DEUP1: variants seen among roughly 807,000 people sequenced by gnomAD.
The protein encoded by DEUP1 is coiled-coil domain containing 67.
DEUP1 carries 82 observed loss-of-function variants against 87.4 expected under a neutral mutation model. That is an observed-to-expected ratio of 0.94 (90% CI 0.78 to 1.13). The LOEUF (loss-of-function observed/expected upper bound fraction) is 1.13. Ranked by LOEUF, DEUP1 falls within the 50% of genes most tolerant of loss-of-function variation. The pLI, the probability that DEUP1 is intolerant of heterozygous loss-of-function variation, is 0.00. For synonymous variants in DEUP1, 214 were observed against 222.7 expected (o/e 0.96, Z 0.35); for missense variants, 663 against 681.5 (o/e 0.97, Z 0.30).
In DEUP1 at chr11:93,357,148, G is replaced by A. The variant is rs1170628053; in HGVS notation, c.297+105G>A. On this transcript the variant is annotated intron_variant, in intron 4 of 13. Coordinates refer to ENST00000298050, the MANE Select transcript of DEUP1 (RefSeq NM_181645.4). ...TGTTTTCAGTATAAACAAATGTCTTGTATTTTAATTATAAGCTTGGTCATG... is the reference window on the plus strand; with the variant it reads ...TGTTTTCAGTATAAACAAATGTCTTATATTTTAATTATAAGCTTGGTCATG... 1.7e-3 allele frequency: 1,127 copies of A among 677,720 alleles called. 5 individuals are homozygous for A. Among genetic ancestry groups the A allele is most frequent in the Non-Finnish European group, 1.8e-4 (72 of 406,834 alleles). 42.0% of individuals were successfully genotyped at this position (677,720 alleles called of 1,614,324 possible).
intron 7 of DEUP1, among the ~76,000 whole-genome samples, chr11:93,379,435 T>C (rs1946195915): frequency 6.6e-6 from 1 of 152,202 alleles, no homozygotes; most frequent in Non-Finnish European, 1.5e-5. Context: ...AGACTGTACA[T>C]TGAGGAACAT....
intron 6 of DEUP1, 60 bp from the exon 7 acceptor site, chr11:93,370,978 T>C (rs924429896): frequency 6.9e-7 from 1 of 1,447,434 alleles, no homozygotes; most frequent in Non-Finnish European, 9.4e-7. Flanking sequence ...ATTCTTGAAC[T>C]TCATGTAAGC....
chr11:93,387,514 C>G (rs1946617006), intron 8 of DEUP1, among the ~76,000 whole-genome samples: 1 of 152,052 alleles, frequency 6.6e-6, no homozygotes, highest in Non-Finnish European at 1.5e-5. Flanking sequence ...ATTTCATACT[C>G]TTGTTCTACA....
chr11:93,376,441 G>C (rs1157690446), intron 7 of DEUP1, among the ~76,000 whole-genome samples: 1 of 152,092 alleles, frequency 6.6e-6, no homozygotes, highest in Non-Finnish European at 1.5e-5. Context: ...ATGATCTTTT[G>C]TATTTCAGTA....
chr11:93,367,560 A>G (rs1235093138), intron 5 of DEUP1, among the ~76,000 whole-genome samples: 1 of 152,142 alleles, frequency 6.6e-6, no homozygotes, highest in Non-Finnish European at 1.5e-5. Flanking sequence ...ATATTGTAAA[A>G]TTATTTGTTT....
In DEUP1 at chr11:93,415,373, T is replaced by A. The variant is rs181034403; in HGVS notation, c.1638+259T>A. Among the ~76,000 whole-genome samples, 1,204 of 152,056 alleles carry A rather than the reference T, an allele frequency of 7.9e-3. 15 individuals are homozygous for A. Among genetic ancestry groups the A allele is most frequent in the African/African-American group, 0.028 (1,158 of 41,484 alleles). ...CAGAATTACTGGAGATGGTGTTTTT[T>A]AAAAAAAATGCGAGTGCTTGGGACT... On this transcript the variant is annotated intron_variant, in intron 13 of 13. Coordinates refer to ENST00000298050, the MANE Select transcript of DEUP1 (RefSeq NM_181645.4).
chr11:93,365,819 T>C (rs967783645), intron 5 of DEUP1, among the ~76,000 whole-genome samples: 1 of 152,212 alleles, frequency 6.6e-6, no homozygotes, highest in African/African-American at 2.4e-5. Flanking sequence ...AGCCATCTGA[T>C]AAATTAATGT....
intron 12 of DEUP1, among the ~76,000 whole-genome samples, chr11:93,413,897 G>C (rs1048702022): frequency 2.0e-5 from 3 of 152,122 alleles, no homozygotes; most frequent in African/African-American, 4.8e-5. Context: ...ACGAATAATT[G>C]AACTTTTAAA....
chr11:93,420,181 C>G (rs981345121), intron 13 of DEUP1, among the ~76,000 whole-genome samples: 4 of 152,006 alleles, frequency 2.6e-5, no homozygotes, highest in African/African-American at 9.7e-5. Context: ...TACTGGCAAA[C>G]CAAATCCAGC....
Position 93,412,321 on chromosome 11 carries a change from A to T in DEUP1, c.1524-2679A>T, listed in dbSNP as rs1947460575. Among the ~76,000 whole-genome samples, 5 of 152,220 alleles carry T rather than the reference A, an allele frequency of 3.3e-5. No individual in the cohort carries two copies. In the South Asian group the frequency reaches 1.0e-3, roughly 31 times the overall value. Reference sequence around the variant, plus strand: ...AATAGGCCTGTGGAAAAGATCATTGAACAGATCAGCTTGTGAGAGGATATT... The same window carrying T: ...AATAGGCCTGTGGAAAAGATCATTGTACAGATCAGCTTGTGAGAGGATATT... On this transcript the variant is annotated intron_variant, in intron 12 of 13. Transcript: ENST00000298050.
intron 13 of DEUP1, among the ~76,000 whole-genome samples, chr11:93,431,095 CAAAAA>C (rs10534401): frequency 1.3e-3 from 144 of 112,618 alleles, no homozygotes; most frequent in Admixed American, 2.5e-3. Flanking sequence ...AACACTGTCT[CAAAAA>C]AAAAAAAAAA....
chr11:93,374,039 G>A (rs1046641178), intron 7 of DEUP1, among the ~76,000 whole-genome samples: 9 of 152,108 alleles, frequency 5.9e-5, no homozygotes, highest in African/African-American at 1.2e-4. Context: ...CATTAGTGAC[G>A]TTGAGCATTT....
intron 13 of DEUP1, among the ~76,000 whole-genome samples, chr11:93,435,047 A>G (rs1460974878): frequency 6.6e-6 from 1 of 152,166 alleles, no homozygotes; most frequent in Non-Finnish European, 1.5e-5. Flanking sequence ...TAAAGTAGGT[A>G]CCTTTACTAT....
chr11:93,430,825 G>A (rs915982588), intron 13 of DEUP1, among the ~76,000 whole-genome samples: 6 of 152,168 alleles, frequency 3.9e-5, no homozygotes, highest in Non-Finnish European at 7.4e-5. Flanking sequence ...GCCAGGCGCT[G>A]TGGCTCATGC....
Position 93,385,392 on chromosome 11 carries a change from A to G in DEUP1, c.790-6A>G. On this transcript the variant is annotated splice_polypyrimidine_tract_variant and splice_region_variant and intron_variant, in intron 7 of 13. Coordinates refer to ENST00000298050, the MANE Select transcript of DEUP1 (RefSeq NM_181645.4). ...GAGCATGAAATTTTTTGATGTTTTT[A>G]TTCAGGCCATGGAAGCAGGTCTCTC... 6.2e-7 allele frequency: 1 copy of G among 1,611,644 alleles called. No homozygotes were observed. Among genetic ancestry groups the G allele is most frequent in the South Asian group, 1.1e-5 (1 of 90,354 alleles).
At chr11:93,383,460 G>C in intron 7 of DEUP1, 1 of 503,340 alleles carries the variant, frequency 2.0e-6, no homozygotes, top group Non-Finnish European at 3.5e-6. Flanking sequence ...CTAGGAGCTG[G>C]AGGAAGGGGA....
intron 11 of DEUP1, among the ~76,000 whole-genome samples, chr11:93,406,812 A>T (rs981807606): frequency 9.2e-5 from 14 of 152,006 alleles, no homozygotes; most frequent in Non-Finnish European, 1.6e-4. Flanking sequence ...CTAAGGATAC[A>T]AATAACACAG....
At chr11:93,382,917 A>G (rs1246476876) in intron 7 of DEUP1, among the ~76,000 whole-genome samples, 1 of 152,198 alleles carries the variant, frequency 6.6e-6, no homozygotes, top group African/African-American at 2.4e-5. Context: ...TAAGTCACCA[A>G]TTTGAATCTT....
At chr11:93,358,735 G>A (rs534120917) in intron 4 of DEUP1, among the ~76,000 whole-genome samples, 37 of 151,974 alleles carry the variant, frequency 2.4e-4, no homozygotes, top group Admixed American at 1.7e-3. Flanking sequence ...GGTGCGCACC[G>A]CCACACCCAG....
Sources: allele counts gnomAD v4.1 joint callset (sites outside exome capture counted in the v4.1 genomes callset), GRCh38; gene constraint gnomAD v4.1.1; transcripts MANE v1.5; gene names NCBI Gene and HGNC (gene_info 2026-07-23, HGNC 2026-07-21).